Variants in EPB41L2 observed in about 807,000 individuals in gnomAD.
EPB41L2 encodes the protein band 4.1-like protein 2.
A neutral mutation model predicts 113.0 loss-of-function variants in EPB41L2; 43 were observed. The ratio of observed to expected loss-of-function variants is 0.38; its 90% CI spans 0.30 to 0.49. EPB41L2 has a LOEUF of 0.49. EPB41L2 is among the 20% of genes least tolerant of loss of function. EPB41L2 has a pLI of 0.95. For synonymous variants in EPB41L2, 442 were observed against 436.7 expected, an observed-to-expected ratio of 1.01 and a Z score of -0.15; for missense variants, 1,147 against 1,223.4, an observed-to-expected ratio of 0.94 and a Z score of 0.93.
At chr6:131,049,186 AG>A (rs1796073374) in intron 1 of EPB41L2, among the ~76,000 whole-genome samples, 2 of 152,158 alleles carry the variant, frequency 1.3e-5, no homozygotes, top group African/African-American at 2.4e-5. Context: ...GGGCAGAGGG[AG>A]GTGGGGGAAG....
Position 130,899,515 on chromosome 6 carries a change from A to G in EPB41L2, c.1212T>C (p.Tyr404=), listed in dbSNP as rs758952956. 1.2e-6 allele frequency: 2 copies of G among 1,613,914 alleles called. No individual in the cohort carries two copies. Among genetic ancestry groups the G allele is most frequent in the Admixed American group, 3.3e-5 (2 of 60,028 alleles). ...CCTTGGCATGATGTAGGTCAACACC[A>G]TACATGGAAAGCCTCTTTGCATTTT... ...FLENAKRLSM[Y]GVDLHHAKDS... The change falls in exon 8 of 20, where the codon TAT becomes TAC. Residue 404 remains tyrosine, a synonymous_variant. Transcript: ENST00000337057.
At chr6:130,872,333 G>A (rs1373463765) in intron 14 of EPB41L2, 3 of 1,260,702 alleles carry the variant, frequency 2.4e-6, no homozygotes, top group Non-Finnish European at 3.1e-6. Flanking sequence ...TCTCTCATAT[G>A]TGGCTTTTAG....
intron 1 of EPB41L2, among the ~76,000 whole-genome samples, chr6:130,961,859 C>A (rs1773645587): frequency 6.6e-6 from 1 of 152,122 alleles, no homozygotes; most frequent in Non-Finnish European, 1.5e-5. Context: ...TTCTAAGCTT[C>A]AAAAATGGTA....
At chr6:130,902,887 G>A (rs1309691417) in intron 6 of EPB41L2, among the ~76,000 whole-genome samples, 1 of 152,048 alleles carries the variant, frequency 6.6e-6, no homozygotes, top group Non-Finnish European at 1.5e-5. Context: ...AACATTATTC[G>A]AAATAGTGTT....
chr6:130,906,334 A>G (rs535538657), intron 5 of EPB41L2, among the ~76,000 whole-genome samples: 3 of 92,218 alleles, frequency 3.3e-5, no homozygotes, highest in East Asian at 9.4e-4. Context: ...AAAACTGACA[A>G]TTAAAAATGG....
At chr6:130,937,833 A>AAAAG (rs552248781) in intron 3 of EPB41L2, among the ~76,000 whole-genome samples, 2 of 150,470 alleles carry the variant, frequency 1.3e-5, no homozygotes, top group African/African-American at 5.0e-5. Flanking sequence ...AAAAAAAAAA[A>AAAAG]AAGATTAACA....
rs561516748 is a variant in EPB41L2 at position 131,048,763 on chromosome 6, A to T, written c.-15+14392T>A. On this transcript the variant is annotated intron_variant, in intron 1 of 19. Transcript: ENST00000337057. ...TCTGAATATATTGAAAATTTTCCAT[A>T]GTAAAAAGTTTAAAAAAGAAGAACA... Among the ~76,000 whole-genome samples, 88 of 152,350 alleles carry T rather than the reference A, an allele frequency of 5.8e-4. 1 individual carries two copies. The South Asian group carries it at 0.018, about 31-fold the overall frequency.
intron 8 of EPB41L2, among the ~76,000 whole-genome samples, chr6:130,896,638 A>G (rs1794755437): frequency 1.3e-5 from 2 of 152,206 alleles, no homozygotes; most frequent in Non-Finnish European, 2.9e-5. Flanking sequence ...TTGTTGTTCT[A>G]TGTAATTATT....
intron 14 of EPB41L2, among the ~76,000 whole-genome samples, chr6:130,874,364 A>AT (rs141679352): frequency 0.35 from 53,512 of 151,780 alleles, 9,717 homozygotes; most frequent in East Asian, 0.46. Flanking sequence ...CTTATGCATA[A>AT]TTTTTTTATT....
intron 3 of EPB41L2, among the ~76,000 whole-genome samples, chr6:130,940,471 T>A (rs1810431598): frequency 1.3e-5 from 2 of 148,746 alleles, no homozygotes; most frequent in East Asian, 2.0e-4. Context: ...TATCTTTTTT[T>A]TTTTTCTTTT....
intron 4 of EPB41L2, among the ~76,000 whole-genome samples, chr6:130,921,909 A>G (rs73617153): frequency 0.026 from 3,932 of 152,298 alleles, 199 homozygotes; most frequent in African/African-American, 0.09. Flanking sequence ...CTGTCCCAAC[A>G]TATCTGAGGA....
At chr6:131,002,998 T>C (rs1044784174) in intron 1 of EPB41L2, among the ~76,000 whole-genome samples, 2 of 152,370 alleles carry the variant, frequency 1.3e-5, no homozygotes, top group South Asian at 2.1e-4. Context: ...GAACCAATTC[T>C]AATTCCAGCT....
intron 1 of EPB41L2, among the ~76,000 whole-genome samples, chr6:131,042,504 A>G (rs1794648481): frequency 1.3e-5 from 2 of 152,214 alleles, no homozygotes; most frequent in African/African-American, 4.8e-5. Flanking sequence ...TTATTTATAC[A>G]TAGAAAAATT....
intron 18 of EPB41L2, among the ~76,000 whole-genome samples, chr6:130,860,206 CGTA>C (rs747976545): frequency 2.6e-4 from 39 of 152,192 alleles, no homozygotes; most frequent in African/African-American, 3.9e-4. Flanking sequence ...GGGAGCCAAA[CGTA>C]GCTACAGACA....
chr6:131,008,989 T>TTAA (rs771495912), intron 1 of EPB41L2, among the ~76,000 whole-genome samples: 10 of 152,142 alleles, frequency 6.6e-5, no homozygotes, highest in Non-Finnish European at 1.5e-4. Flanking sequence ...CTGGAATGAG[T>TTAA]TAAGACTTTG....
At chr6:131,010,097 C>T (rs1056111682) in intron 1 of EPB41L2, among the ~76,000 whole-genome samples, 1 of 152,164 alleles carries the variant, frequency 6.6e-6, no homozygotes, top group Non-Finnish European at 1.5e-5. Flanking sequence ...CTAATTAATG[C>T]TTTCATGTAA....
At chr6:130,886,814 T>C (rs1188894350) in intron 11 of EPB41L2, among the ~76,000 whole-genome samples, 1 of 152,092 alleles carries the variant, frequency 6.6e-6, no homozygotes, top group Non-Finnish European at 1.5e-5. Context: ...TTTGTATTTT[T>C]AGTAGAGATG....
At chr6:130,946,374 T>C (rs1562554510) in intron 3 of EPB41L2, among the ~76,000 whole-genome samples, 1 of 152,194 alleles carries the variant, frequency 6.6e-6, no homozygotes, top group Non-Finnish European at 1.5e-5. Context: ...TTTATGTTCA[T>C]TTATTATTTC....
chr6:130,862,654 G>T (rs1376294263), intron 18 of EPB41L2, among the ~76,000 whole-genome samples: 1 of 152,084 alleles, frequency 6.6e-6, no homozygotes, highest in Non-Finnish European at 1.5e-5. Context: ...TAACTCTTAA[G>T]AAAATTTTAA....
Sources: allele counts gnomAD v4.1 joint callset (sites outside exome capture counted in the v4.1 genomes callset), GRCh38; gene constraint gnomAD v4.1.1; transcripts MANE v1.5; gene names NCBI Gene and HGNC (gene_info 2026-07-23, HGNC 2026-07-21).